SYT14: variants seen among roughly 807,000 people sequenced by gnomAD.
SYT14 encodes the protein synaptotagmin-14.
In SYT14, 32 loss-of-function variants were observed where a neutral mutation model predicts 74.2. The observed-to-expected ratio is 0.43, with a 90% CI of 0.33 to 0.58. SYT14 has a LOEUF of 0.58. Among genes scored for constraint, SYT14 ranks in the 20% least tolerant of loss-of-function variants. SYT14 has a pLI of 0.05. For synonymous variants in SYT14, 298 were observed against 337.7 expected, an observed-to-expected ratio of 0.88 and a Z score of 1.29; for missense variants, 791 against 981.8, an observed-to-expected ratio of 0.81 and a Z score of 2.60.
intron 2 of SYT14, among the ~76,000 whole-genome samples, chr1:209,961,863 T>G (rs1050260334): frequency 4.6e-5 from 7 of 152,126 alleles, no homozygotes; most frequent in African/African-American, 1.2e-4. Context: ...TTCTAAAATG[T>G]TTCTATAATT....
chr1:209,950,764 A>G (rs953651401), intron 1 of SYT14, among the ~76,000 whole-genome samples: 4 of 152,106 alleles, frequency 2.6e-5, no homozygotes, highest in East Asian at 1.9e-4. Flanking sequence ...TTATTTCTGT[A>G]GGATATTTCT....
At chr1:210,034,167 T>C (rs2080602778) in intron 5 of SYT14, among the ~76,000 whole-genome samples, 1 of 151,790 alleles carries the variant, frequency 6.6e-6, no homozygotes, top group African/African-American at 2.4e-5. Context: ...ATTTTGAAGA[T>C]GAGGAAACTG....
intron 5 of SYT14, among the ~76,000 whole-genome samples, chr1:210,026,950 ATAGT>A (rs1422857596): frequency 7.9e-5 from 12 of 152,082 alleles, no homozygotes; most frequent in African/African-American, 1.4e-4. Context: ...GTGACTTTGC[ATAGT>A]TAAAGTTAGG....
chr1:210,148,383 C>T (rs1465438463), intron 7 of SYT14, among the ~76,000 whole-genome samples: 2 of 152,026 alleles, frequency 1.3e-5, no homozygotes, highest in African/African-American at 2.4e-5. Flanking sequence ...GTGGCGGGCG[C>T]CTGTAGTCTC....
At chr1:210,138,099 C>T (rs1003649865) in intron 7 of SYT14, among the ~76,000 whole-genome samples, 2 of 152,124 alleles carry the variant, frequency 1.3e-5, no homozygotes, top group African/African-American at 4.8e-5. Flanking sequence ...TTAGTCCATT[C>T]TCAACACTGC....
intron 7 of SYT14, among the ~76,000 whole-genome samples, chr1:210,108,423 A>G (rs2082198211): frequency 6.6e-6 from 1 of 152,216 alleles, no homozygotes; most frequent in Non-Finnish European, 1.5e-5. Flanking sequence ...AGTCATAGAT[A>G]GCTTTTCAGG....
At position 210,000,613 on chromosome 1, in the gene SYT14, C is replaced by CTTTTTTTTTTTTTTTTT. The variant is rs71146203; in HGVS notation, c.-485-13017_-485-13001dup. Among the ~76,000 whole-genome samples, 24 of 105,422 alleles carry CTTTTTTTTTTTTTTTTT rather than the reference C, an allele frequency of 2.3e-4. 1 individual carries two copies. The highest frequency in any genetic ancestry group is 8.8e-4 in the East Asian group (3 of 3,426). The allele number at this position is 105,422 out of a possible 152,430, so 69.2% of individuals were successfully genotyped here. ...TTTCATTAGGGCTGTTTTATGCCTT[C>CTTTTTTTTTTTTTTTTT]TTTTTTTTTTTTTTTTTTTGAGATA... On this transcript the variant is annotated intron_variant, in intron 2 of 9. Coordinates refer to ENST00000637265, the Ensembl canonical transcript of SYT14.
At chr1:209,952,604 T>A in intron 1 of SYT14, 105 bp from the exon 2 acceptor site, 2 of 909,914 alleles carry the variant, frequency 2.2e-6, no homozygotes, top group Non-Finnish European at 3.5e-6. Context: ...TTAGGGAAAC[T>A]TTTTTTGAGG....
chr1:210,070,928 T>C (rs1264330715), intron 5 of SYT14, among the ~76,000 whole-genome samples: 1 of 115,536 alleles, frequency 8.7e-6, no homozygotes, highest in African/African-American at 3.1e-5. Context: ...TTTTTTTTTT[T>C]TTTTTTGGCT....
chr1:209,954,023 A>G (rs865887047), intron 2 of SYT14, among the ~76,000 whole-genome samples: 1 of 152,242 alleles, frequency 6.6e-6, no homozygotes, highest in Non-Finnish European at 1.5e-5. Context: ...ATTACTAAAA[A>G]TGTTTGAAAT....
At chr1:210,057,227 C>T (rs759532671) in intron 5 of SYT14, among the ~76,000 whole-genome samples, 6 of 152,196 alleles carry the variant, frequency 3.9e-5, no homozygotes, top group Non-Finnish European at 7.3e-5. Flanking sequence ...TTAACCTTTC[C>T]TTGTTCTCCC....
At position 210,075,164 on chromosome 1, in the gene SYT14, T is replaced by G. The variant is rs562355488; in HGVS notation, c.1313-19158T>G. Among the ~76,000 whole-genome samples the G allele has an allele frequency of 5.9e-5, 9 of 152,246 alleles. 1 individual carries two copies. The highest frequency in any genetic ancestry group is 1.9e-4 in the African/African-American group (8 of 41,558). The stretch of plus-strand genomic sequence containing the variant: ...TGGCCTCGTCCAGCCAAACTTGGCC[T>G]TATCCAGCCAGTCGATGGCCTGTGG... On this transcript the variant is annotated intron_variant, in intron 5 of 9. Transcript: ENST00000637265.
chr1:210,033,852 A>G (rs1363918422), intron 5 of SYT14, among the ~76,000 whole-genome samples: 3 of 151,854 alleles, frequency 2.0e-5, no homozygotes, highest in Non-Finnish European at 4.4e-5. Context: ...AATAAAGCAT[A>G]ACACTTTATA....
intron 7 of SYT14, among the ~76,000 whole-genome samples, chr1:210,128,159 G>C (rs910315127): frequency 6.6e-6 from 1 of 152,132 alleles, no homozygotes; most frequent in Non-Finnish European, 1.5e-5. Flanking sequence ...GATCGCTTGA[G>C]GTCAGAAGTT....
rs143575946 is a variant in SYT14, at chr1:210,129,165, A to G, written c.2035-26556A>G. 6.1e-3 allele frequency among the ~76,000 whole-genome samples: 924 copies of G among 152,340 alleles called. 8 individuals are homozygous for G. Among genetic ancestry groups the G allele is most frequent in the Non-Finnish European group, 7.1e-3 (482 of 68,030 alleles). On this transcript the variant is annotated intron_variant, in intron 7 of 9. Transcript: ENST00000637265. ...ACTGAATAATTATTTGCATCAGTTA[A>G]GATTCTGTCAGTTTCAAGTGAATGC...
chr1:210,169,337 A>T (rs1158149659), exon 10 of SYT14: 1 of 141,428 alleles, frequency 7.1e-6, no homozygotes, highest in Non-Finnish European at 1.5e-5. Context: ...TATTGAGAAT[A>T]TTTATAGTAT....
At chr1:210,050,268 CAGTCTCTT>C (rs1333617696) in intron 5 of SYT14, among the ~76,000 whole-genome samples, 1 of 152,178 alleles carries the variant, frequency 6.6e-6, no homozygotes, top group Non-Finnish European at 1.5e-5. Flanking sequence ...AAGATGCCGC[CAGTCTCTT>C]TGCTAAAACA....
intron 5 of SYT14, among the ~76,000 whole-genome samples, chr1:210,057,467 A>G (rs1023893418): frequency 2.6e-5 from 4 of 152,318 alleles, no homozygotes; most frequent in African/African-American, 4.8e-5. Context: ...CAGAATTTCT[A>G]TAGACCTCGG....
intron 5 of SYT14, among the ~76,000 whole-genome samples, chr1:210,039,596 C>A (rs113417794): frequency 6.6e-6 from 1 of 152,270 alleles, no homozygotes; most frequent in Non-Finnish European, 1.5e-5. Flanking sequence ...AGTGAACAGG[C>A]ACCCTACAGG....
Sources: gnomAD v4.1 joint callset for allele counts (sites outside exome capture counted in the v4.1 genomes callset) on GRCh38, gnomAD v4.1.1 for gene constraint, MANE v1.5 for transcripts, NCBI Gene and HGNC (gene_info 2026-07-23, HGNC 2026-07-21) for gene names.